Variants in FAM149A observed in about 807,000 individuals in gnomAD.
FAM149A encodes the protein family with sequence similarity 149 member A.
Under a neutral mutation model 78.2 loss-of-function variants are expected in FAM149A, and 71 were observed. The ratio of observed to expected loss-of-function variants is 0.91; its 90% CI spans 0.75 to 1.11. The LOEUF (loss-of-function observed/expected upper bound fraction) is 1.11. Ranked by LOEUF, FAM149A falls within the 50% of genes least tolerant of loss-of-function variation. The pLI, the probability that FAM149A is intolerant of heterozygous loss-of-function variation, is 0.00. For synonymous variants in FAM149A, 446 were observed against 410.5 expected (o/e 1.09, Z -1.04); for missense variants, 1,036 against 971.0 (o/e 1.07, Z -0.89).
intron 1 of FAM149A, chr4:186,109,703 C>T: frequency 4.1e-6 from 4 of 982,128 alleles, no homozygotes; most frequent in Non-Finnish European, 4.8e-6. Context: ...CTTCTTGGCA[C>T]AGAAATGAAA....
Position 186,144,881 on chromosome 4 carries a change from G to A in FAM149A, c.567-4292G>A. 1 of 976,788 alleles carries A rather than the reference G, an allele frequency of 1.0e-6. No homozygotes were observed. Among genetic ancestry groups the A allele is most frequent in the Non-Finnish European group, 1.2e-6 (1 of 824,920 alleles). 60.5% of individuals were successfully genotyped at this position (976,788 alleles called of 1,614,324 possible). A position where few individuals can be genotyped will look rare whatever the true frequency, so the allele number is the denominator to read the frequency against. On this transcript the variant is annotated intron_variant, in intron 1 of 13. Coordinates refer to ENST00000389354, the MANE Select transcript of FAM149A (RefSeq NM_001367768.3). The surrounding 1 kb of genome is among the most constrained non-coding windows in gnomAD (Gnocchi z 4.2). The stretch of plus-strand genomic sequence containing the variant: ...AGGGAAGGGGCGTGCGAGCCCCGCG[G>A]ACCCCGGGCGCGCCCGGGCCGCCTG...
Position 186,126,974 on chromosome 4 carries a change from T to C in FAM149A, c.566+21332T>C, listed in dbSNP as rs893153234. ...GCTTTGGAACCACTGAAGAGGCTTA[T>C]TGAAGACTGGAATGGAATGGAATTT... On this transcript the variant is annotated intron_variant, in intron 1 of 13. Transcript: ENST00000389354. 58 of 985,298 alleles carry C rather than the reference T, an allele frequency of 5.9e-5. No homozygotes were observed. In the African/African-American group the frequency reaches 7.9e-4, roughly 13 times the overall value. 61.0% of individuals were successfully genotyped at this position (985,298 alleles called of 1,614,324 possible). A position where few individuals can be genotyped will look rare whatever the true frequency, so the allele number is the denominator to read the frequency against.
At position 186,133,205 on chromosome 4, in the gene FAM149A, A is replaced by C. The variant is rs557888223; in HGVS notation, c.567-15968A>C. 1.5e-5 allele frequency: 15 copies of C among 984,242 alleles called. 2 individuals carry two copies. In the South Asian group the frequency reaches 6.6e-4, roughly 43 times the overall value. 61.0% of individuals were successfully genotyped at this position (984,242 alleles called of 1,614,324 possible). A position where few individuals can be genotyped will look rare whatever the true frequency, so the allele number is the denominator to read the frequency against. Reference sequence around the variant, plus strand: ...TTTTTAAAAAATGTGATAAATATGCATGAGACAGAATTTATTTTAACAATT... The same window carrying C: ...TTTTTAAAAAATGTGATAAATATGCCTGAGACAGAATTTATTTTAACAATT... On this transcript the variant is annotated intron_variant, in intron 1 of 13. Transcript: ENST00000389354.
chr4:186,121,693 C>A (rs557134127), intron 1 of FAM149A, among the ~76,000 whole-genome samples: 1 of 152,286 alleles, frequency 6.6e-6, no homozygotes, highest in East Asian at 1.9e-4. Flanking sequence ...CACGTTGACC[C>A]CACCTAACGT....
chr4:186,126,156 C>T (rs547564396), intron 1 of FAM149A: 1 of 930,384 alleles, frequency 1.1e-6, no homozygotes, highest in Non-Finnish European at 1.3e-6. Flanking sequence ...CCTGTCCATA[C>T]TACTCATTAC....
intron 6 of FAM149A, 82 bp downstream of exon 6, chr4:186,154,720 G>A (rs1733896445): frequency 8.2e-6 from 12 of 1,455,052 alleles, no homozygotes; most frequent in African/African-American, 1.4e-5. Context: ...TGCTCATTAA[G>A]TGTTTTGTGT....
intron 1 of FAM149A, chr4:186,109,072 C>T (rs2099310107): frequency 5.9e-6 from 2 of 336,206 alleles, no homozygotes; most frequent in Non-Finnish European, 8.5e-6. Context: ...TGGTCTCGAT[C>T]TCCTGACCTT....
chr4:186,147,699 TTTTA>T (rs1236877249), intron 1 of FAM149A, among the ~76,000 whole-genome samples: 3 of 151,956 alleles, frequency 2.0e-5, no homozygotes, highest in Admixed American at 6.5e-5. Context: ...TTGATGTAAC[TTTTA>T]GTTGTTATTT....
rs1392305899 is a variant in FAM149A at position 186,109,591 on chromosome 4, A to AG, written c.566+3951dup. On this transcript the variant is annotated intron_variant, in intron 1 of 13. Transcript: ENST00000389354. Reference sequence around the variant, plus strand: ...TAGTTTTTCTTTCTTGATAATATGGAGGTGATAATACTTTCTGCATAGAAG... The same window carrying AG: ...TAGTTTTTCTTTCTTGATAATATGGAGGGTGATAATACTTTCTGCATAGAAG... 2.6e-5 allele frequency: 26 copies of AG among 985,102 alleles called. No homozygotes were observed. The South Asian group carries it at 9.4e-4, about 36-fold the overall frequency. The allele number at this position is 985,102 out of a possible 1,614,324, so 61.0% of individuals were successfully genotyped here. A position where few individuals can be genotyped will look rare whatever the true frequency, so the allele number is the denominator to read the frequency against.
intron 1 of FAM149A, chr4:186,117,983 C>A: frequency 1.0e-6 from 1 of 985,300 alleles, no homozygotes; most frequent in Non-Finnish European, 1.2e-6. Flanking sequence ...ACAGAAGATG[C>A]GGGTTTGTCA....
Position 186,105,681 on chromosome 4 carries a change from CG to C in FAM149A, c.566+42del, listed in dbSNP as rs371975566. Reference sequence around the variant, plus strand: ...TGGTCCGGGCGCGTGTACCTTTTGCCGGGACCCCCGACCCCTCCGCCTGCCG... The same window carrying C: ...TGGTCCGGGCGCGTGTACCTTTTGCCGGACCCCCGACCCCTCCGCCTGCCG... On this transcript the variant is annotated intron_variant, in intron 1 of 13. Coordinates refer to ENST00000389354, the MANE Select transcript of FAM149A (RefSeq NM_001367768.3). 3.9e-3 allele frequency: 4,060 copies of C among 1,030,826 alleles called. 14 individuals carry two copies. The highest frequency in any genetic ancestry group is 6.4e-3 in the South Asian group (208 of 32,674). The allele number at this position is 1,030,826 out of a possible 1,614,324, so 63.9% of individuals were successfully genotyped here. A position where few individuals can be genotyped will look rare whatever the true frequency, so the allele number is the denominator to read the frequency against.
chr4:186,116,413 C>T (rs1044228166), intron 1 of FAM149A: 1 of 977,518 alleles, frequency 1.0e-6, no homozygotes, highest in Non-Finnish European at 1.2e-6. Flanking sequence ...CATCTTGGCT[C>T]CTCCCTCATG....
At position 186,116,532 on chromosome 4, in the gene FAM149A, T is replaced by C. The variant is rs185693147; in HGVS notation, c.566+10890T>C. Reference sequence around the variant, plus strand: ...TTTGCTTATACCCGAGAAAACAATTTTGTTCTGTCTTATGCGTAGGCTTTT... The same window carrying C: ...TTTGCTTATACCCGAGAAAACAATTCTGTTCTGTCTTATGCGTAGGCTTTT... On this transcript the variant is annotated intron_variant, in intron 1 of 13. Transcript: ENST00000389354. 2.7e-4 allele frequency: 269 copies of C among 985,420 alleles called. No homozygotes were observed. In the African/African-American group the frequency reaches 4.4e-3, roughly 16 times the overall value. The allele number at this position is 985,420 out of a possible 1,614,324, so 61.0% of individuals were successfully genotyped here.
At chr4:186,110,354 C>T (rs116366326) in intron 1 of FAM149A, 178 of 980,398 alleles carry the variant, frequency 1.8e-4, no homozygotes, top group Non-Finnish European at 2.0e-4. Flanking sequence ...CAGGGATGAA[C>T]GGTGGCTCAG....
chr4:186,155,575 A>G (rs1484671156), intron 6 of FAM149A, among the ~76,000 whole-genome samples: 2 of 152,238 alleles, frequency 1.3e-5, no homozygotes, highest in African/African-American at 4.8e-5. Flanking sequence ...GAAACACAAC[A>G]TATTAAAACC....
At chr4:186,125,933 C>A (rs906255001) in intron 1 of FAM149A, 2 of 985,212 alleles carry the variant, frequency 2.0e-6, no homozygotes, top group African/African-American at 3.5e-5. Flanking sequence ...CTGGCAAGAG[C>A]GCGAGGTAAC....
Position 186,108,843 on chromosome 4 carries a change from A to C in FAM149A, c.566+3201A>C, listed in dbSNP as rs538952178. Among the ~76,000 whole-genome samples, 789 of 146,378 alleles carry C rather than the reference A, an allele frequency of 5.4e-3. 10 individuals carry two copies. Among genetic ancestry groups the C allele is most frequent in the African/African-American group, 0.019 (755 of 40,200 alleles). ...ACACCTTGTAAAGGTCTTATTCTCA[A>C]TCTCTGGTTTTTTTTTTTTTTTGAG... On this transcript the variant is annotated intron_variant, in intron 1 of 13. Coordinates refer to ENST00000389354, the MANE Select transcript of FAM149A (RefSeq NM_001367768.3).
In FAM149A at chr4:186,149,287, A is replaced by G; in HGVS notation, c.677+4A>G. The G allele has an allele frequency of 1.6e-6, 2 of 1,282,596 alleles. No individual in the cohort carries two copies. The highest frequency in any genetic ancestry group is 1.1e-4 in the East Asian group (2 of 17,956). The allele number at this position is 1,282,596 out of a possible 1,614,324, so 79.5% of individuals were successfully genotyped here. ...AAGCCATTGATAAATATACCTGGTA[A>G]GAATTCACCTTGCTTCAGATTACAA... On this transcript the variant is annotated splice_donor_region_variant and intron_variant, in intron 2 of 13. Transcript: ENST00000389354.
intron 1 of FAM149A, chr4:186,124,066 C>T (rs1579801072): frequency 1.2e-6 from 1 of 834,608 alleles, no homozygotes; most frequent in Middle Eastern, 6.2e-4. Context: ...GTTTCTAGGT[C>T]ATCCACTAGA....
Sources: allele counts gnomAD v4.1 joint callset (sites outside exome capture counted in the v4.1 genomes callset), GRCh38; gene constraint gnomAD v4.1.1; non-coding constraint Gnocchi (gnomAD v3.1); transcripts MANE v1.5; gene names NCBI Gene and HGNC (gene_info 2026-07-23, HGNC 2026-07-21).